Variants in RNPEP observed in about 807,000 individuals in gnomAD.
RNPEP encodes the protein arginyl aminopeptidase.
A neutral mutation model predicts 70.1 loss-of-function variants in RNPEP; 57 were observed. The observed-to-expected ratio is 0.81, with a 90% CI of 0.66 to 1.01. The LOEUF is 1.01. RNPEP is among the 50% of genes least tolerant of loss of function. RNPEP has a pLI of 0.00. For missense variants in RNPEP, 787 were observed against 852.4 expected, an observed-to-expected ratio of 0.92 and a Z score of 0.96; for synonymous variants, 335 against 357.4, an observed-to-expected ratio of 0.94 and a Z score of 0.71.
chr1:201,994,668 C>CT (rs774484493), intron 3 of RNPEP, among the ~76,000 whole-genome samples: 2,650 of 137,838 alleles, frequency 0.019, 57 homozygotes, highest in African/African-American at 0.058. Flanking sequence ...CCATCAGTCT[C>CT]TTTTTTTTTT....
At chr1:202,001,238 C>T (rs1361364976) in intron 6 of RNPEP, 138 bp from the exon 7 acceptor site, 2 of 641,530 alleles carry the variant, frequency 3.1e-6, no homozygotes, top group East Asian at 2.7e-5. Context: ...GATCTGGACA[C>T]CTTCTTGGCC....
chr1:201,997,167 TG>T (rs143195550), intron 4 of RNPEP, 151 bp from the exon 5 acceptor site: 158,172 of 644,038 alleles, frequency 0.25, 22,054 homozygotes, highest in South Asian at 0.41. Flanking sequence ...TTGAGGAGCC[TG>T]GGCTTTATTT....
intron 1 of RNPEP, among the ~76,000 whole-genome samples, chr1:201,985,537 A>G (rs1683103070): frequency 5.3e-5 from 8 of 152,190 alleles, no homozygotes; most frequent in Admixed American, 5.2e-4. Flanking sequence ...GACTACAAGC[A>G]TGAGCCAACA....
intron 10 of RNPEP, among the ~76,000 whole-genome samples, chr1:202,005,192 C>T (rs1172471744): frequency 6.6e-6 from 1 of 152,288 alleles, no homozygotes; most frequent in Middle Eastern, 3.4e-3. Context: ...GGACCGTATG[C>T]GGCTGTGAGC....
intron 6 of RNPEP, chr1:202,000,375 T>C: frequency 5.6e-6 from 1 of 179,408 alleles, no homozygotes. Context: ...TGGGACTGAG[T>C]GCCAGACAAG....
chr1:201,989,508 G>T lies in RNPEP; in HGVS notation c.714G>T (p.Leu238=), dbSNP rs1389226772. The T allele has an allele frequency of 1.2e-6, 2 of 1,614,046 alleles. No individual in the cohort carries two copies. Among genetic ancestry groups the T allele is most frequent in the African/African-American group, 2.7e-5 (2 of 74,918 alleles). The stretch of plus-strand genomic sequence containing the variant: ...TGATAGCTTTGGCCATCGGAGATCT[G>T]GTTTCGGCTGAAGTTGGACCCAGGT... ...SYLIALAIGD[L]VSAEVGPRSR... is the part of the protein sequence containing the mutation. The change falls in exon 3 of 11, where the codon CTG becomes CTT. Residue 238 remains leucine (L), a synonymous_variant. Coordinates refer to ENST00000295640, the MANE Select transcript of RNPEP (RefSeq NM_020216.4).
chr1:202,005,043 C>T (rs1004392344), intron 10 of RNPEP, among the ~76,000 whole-genome samples: 2 of 152,148 alleles, frequency 1.3e-5, no homozygotes, highest in African/African-American at 4.8e-5. Context: ...GGGCTGCCTG[C>T]CTGTTCGGGG....
intron 9 of RNPEP, among the ~76,000 whole-genome samples, chr1:202,004,102 C>T (rs1314143408): frequency 1.3e-5 from 2 of 152,180 alleles, no homozygotes; most frequent in East Asian, 3.8e-4. Flanking sequence ...ACAGCAACCT[C>T]CACCTTCTGA....
rs767560064 is a variant in RNPEP, at chr1:202,004,403, G to C, written c.1701G>C (p.Arg567=). ...GDTYPSISNA[R]NAELRLRWGQ... is the part of the protein sequence containing the mutation. Reference sequence around the variant, plus strand: ...CATACCCAAGTATCTCAAATGCCCGGAATGCAGAGCTCCGGCTGCGATGGG... The same window carrying C: ...CATACCCAAGTATCTCAAATGCCCGCAATGCAGAGCTCCGGCTGCGATGGG... Residue 567 remains arginine, a synonymous_variant, in exon 10 of 11, where the codon CGG becomes CGC. Coordinates refer to ENST00000295640, the MANE Select transcript of RNPEP (RefSeq NM_020216.4). 1 of 1,614,050 alleles carries C rather than the reference G, an allele frequency of 6.2e-7. No homozygotes were observed. Among genetic ancestry groups the C allele is most frequent in the African/African-American group, 1.3e-5 (1 of 74,922 alleles).
intron 1 of RNPEP, among the ~76,000 whole-genome samples, chr1:201,984,212 C>T (rs4950751): frequency 0.55 from 83,941 of 152,006 alleles, 23,528 homozygotes; most frequent in Non-Finnish European, 0.6. Context: ...GGATTACAGG[C>T]GTGAGCCACT....
rs561921015 is a variant in RNPEP at position 201,982,756 on chromosome 1, C to T, written c.90C>T (p.Asn30=). 168 of 1,369,254 alleles carry T rather than the reference C, an allele frequency of 1.2e-4. No homozygotes were observed. The East Asian group carries it at 5.1e-3, about 42-fold the overall frequency. 84.8% of individuals were successfully genotyped at this position (1,369,254 alleles called of 1,614,324 possible). The change falls in exon 1 of 11, where the codon AAC becomes AAT. Residue 30 remains asparagine (N), a synonymous_variant. Coordinates refer to ENST00000295640, the MANE Select transcript of RNPEP (RefSeq NM_020216.4). ...CTGTGGACGTGGCCTCGGCCTCCAA[C>T]TTCCGGGCCTTTGAGCTGCTGCACT... ...AQAVDVASAS[N]FRAFELLHLH...
At chr1:202,003,604 C>A in intron 9 of RNPEP, 143 bp downstream of exon 9, 1 of 639,788 alleles carries the variant, frequency 1.6e-6, no homozygotes, top group Non-Finnish European at 2.7e-6. Flanking sequence ...AAGGAATGTG[C>A]CACCGGGAGG....
At chr1:202,004,958 A>G (rs1041424455) in intron 10 of RNPEP, among the ~76,000 whole-genome samples, 3 of 152,172 alleles carry the variant, frequency 2.0e-5, no homozygotes, top group African/African-American at 7.2e-5. Context: ...GGCTCTCAGG[A>G]TGAACTGAAT....
chr1:201,999,839 G>A, intron 5 of RNPEP, 63 bp from the exon 6 acceptor site: 1 of 1,339,174 alleles, frequency 7.5e-7, no homozygotes. Flanking sequence ...GTCTCTGTCA[G>A]GAAAATACAC....
intron 6 of RNPEP, 112 bp downstream of exon 6, chr1:202,000,127 G>GCCCCTCCCTCCAAATAA: frequency 1.3e-6 from 1 of 785,320 alleles, no homozygotes. Context: ...TATTTGGAGG[G>GCCCCTCCCTCCAAATAA]AGGGGCACTC....
chr1:201,997,273 C>A, intron 4 of RNPEP, 46 bp from the exon 5 acceptor site: 1 of 1,483,852 alleles, frequency 6.7e-7, no homozygotes, highest in Non-Finnish European at 9.4e-7. Flanking sequence ...GTAGGGTCTG[C>A]TCCGGGAAGC....
In RNPEP at chr1:201,982,717, G is replaced by A; in HGVS notation, c.51G>A (p.Leu17=). 2 of 1,404,936 alleles carry A rather than the reference G, an allele frequency of 1.4e-6. No individual in the cohort carries two copies. Among genetic ancestry groups the A allele is most frequent in the Non-Finnish European group, 9.3e-7 (1 of 1,074,070 alleles). 87.0% of individuals were successfully genotyped at this position (1,404,936 alleles called of 1,614,324 possible). A position where few individuals can be genotyped will look rare whatever the true frequency, so the allele number is the denominator to read the frequency against. Residue 17 remains leucine (L), a synonymous_variant, in exon 1 of 11, where the codon CTG becomes CTA. Coordinates refer to ENST00000295640, the MANE Select transcript of RNPEP (RefSeq NM_020216.4). ...GCAGCGGCGCGGCCCGGCGGCCGCT[G>A]CACTCCGCGCAGGCTGTGGACGTGG... The part of the protein sequence containing the change: ...SPGSGAARRP[L]HSAQAVDVAS...
chr1:201,986,574 CTT>C (rs1165395436), intron 1 of RNPEP, among the ~76,000 whole-genome samples: 1 of 131,946 alleles, frequency 7.6e-6, no homozygotes, highest in African/African-American at 2.8e-5. Context: ...GAGTTTCACT[CTT>C]GTTACCCAGG....
At chr1:201,995,676 TA>T (rs200798934) in intron 3 of RNPEP, 162 of 154,360 alleles carry the variant, frequency 1.0e-3, no homozygotes, top group South Asian at 3.8e-3. Flanking sequence ...GAACCTGTCT[TA>T]AAAAAAAAAT....
Sources: allele counts gnomAD v4.1 joint callset (sites outside exome capture counted in the v4.1 genomes callset), GRCh38; gene constraint gnomAD v4.1.1; transcripts MANE v1.5; gene names NCBI Gene and HGNC (gene_info 2026-07-23, HGNC 2026-07-21).